Variants in MTX2 observed in about 807,000 individuals in gnomAD.
The protein encoded by MTX2 is metaxin-2.
Under a neutral mutation model 42.3 loss-of-function variants are expected in MTX2, and 35 were observed. The ratio of observed to expected loss-of-function variants is 0.83; its 90% confidence interval spans 0.63 to 1.10. The LOEUF (loss-of-function observed/expected upper bound fraction) is 1.10, where lower values mean the gene tolerates loss of function less well. Ranked by LOEUF, MTX2 falls within the 50% of genes least tolerant of loss-of-function variation. MTX2 has a pLI of 0.00. For missense variants in MTX2, 307 were observed against 304.1 expected, an observed-to-expected ratio of 1.01 and a Z score of -0.07; for synonymous variants, 119 against 100.9, an observed-to-expected ratio of 1.18 and a Z score of -1.08.
chr2:176,306,029 C>T (rs1276502690), intron 3 of MTX2, among the ~76,000 whole-genome samples: 2 of 152,118 alleles, frequency 1.3e-5, no homozygotes, highest in African/African-American at 4.8e-5. Flanking sequence ...TCATCATTTA[C>T]ATTAGGTATT....
chr2:176,304,107 G>C (rs935765458), intron 3 of MTX2: 1 of 154,280 alleles, frequency 6.5e-6, no homozygotes, highest in African/African-American at 2.4e-5. Context: ...TTATATTTGA[G>C]CTGAAAATAC....
At chr2:176,304,549 C>T (rs1018445963) in intron 3 of MTX2, among the ~76,000 whole-genome samples, 19 of 151,836 alleles carry the variant, frequency 1.3e-4, no homozygotes, top group African/African-American at 3.9e-4. Flanking sequence ...ACAGGGTCTG[C>T]AGCTGTTTGA....
intron 1 of MTX2, among the ~76,000 whole-genome samples, chr2:176,286,766 C>G (rs1172587418): frequency 6.6e-6 from 1 of 152,102 alleles, no homozygotes; most frequent in Non-Finnish European, 1.5e-5. Flanking sequence ...CCAGGCTGGT[C>G]TCGAACTCCT....
chr2:176,321,362 G>A (rs1684579576), intron 3 of MTX2, among the ~76,000 whole-genome samples: 1 of 152,110 alleles, frequency 6.6e-6, no homozygotes, highest in Non-Finnish European at 1.5e-5. Context: ...CACTTAAATA[G>A]ACACAGAAGA....
Position 176,297,912 on chromosome 2 carries a change from T to TG in MTX2, c.135+18dup. 1 of 1,532,250 alleles carries TG rather than the reference T, an allele frequency of 6.5e-7. No individual in the cohort carries two copies. Among genetic ancestry groups the TG allele is most frequent in the Non-Finnish European group, 8.8e-7 (1 of 1,134,274 alleles). The allele number at this position is 1,532,250 out of a possible 1,614,324, so 94.9% of individuals were successfully genotyped here. Reference sequence around the variant, plus strand: ...GCAGTGCAGGTAAATATGTAAATAATGTAATATCTTTTTCACCCCCTAGGT... The same window carrying TG: ...GCAGTGCAGGTAAATATGTAAATAATGGTAATATCTTTTTCACCCCCTAGGT... On this transcript the variant is annotated intron_variant, in intron 3 of 9. Coordinates refer to ENST00000249442, the MANE Select transcript of MTX2 (RefSeq NM_006554.5).
intron 3 of MTX2, among the ~76,000 whole-genome samples, chr2:176,315,530 C>T (rs1684414642): frequency 6.6e-6 from 1 of 152,156 alleles, no homozygotes; most frequent in Non-Finnish European, 1.5e-5. Flanking sequence ...TGGTTCTGCT[C>T]TCAACAGTCT....
intron 3 of MTX2, among the ~76,000 whole-genome samples, chr2:176,310,746 G>C (rs1025741567): frequency 5.9e-5 from 9 of 152,104 alleles, no homozygotes; most frequent in Non-Finnish European, 1.0e-4. Flanking sequence ...TTTCAGCTCT[G>C]TCAGGTCATT....
chr2:176,308,256 A>G (rs1243317573), intron 3 of MTX2, among the ~76,000 whole-genome samples: 1 of 152,140 alleles, frequency 6.6e-6, no homozygotes, highest in Non-Finnish European at 1.5e-5. Flanking sequence ...AGCCGACTTG[A>G]TCATGATGGA....
chr2:176,314,193 T>G (rs527594976), intron 3 of MTX2, among the ~76,000 whole-genome samples: 3 of 152,236 alleles, frequency 2.0e-5, no homozygotes, highest in African/African-American at 7.2e-5. Context: ...TCCCAGCACT[T>G]TGGAATGTAA....
rs1044489075 is a variant in MTX2 at position 176,329,177 on chromosome 2, T to C, written c.418-124T>C. On this transcript the variant is annotated intron_variant, in intron 7 of 9. Coordinates refer to ENST00000249442, the MANE Select transcript of MTX2 (RefSeq NM_006554.5). The stretch of plus-strand genomic sequence containing the variant: ...TTTTAATTTTTTAGATTGCAGGATG[T>C]GTATTTTTTTCAGATTGCTCTATTT... 2.7e-5 allele frequency: 31 copies of C among 1,150,516 alleles called. No individual in the cohort carries two copies. The African/African-American group carries it at 4.8e-4, about 18-fold the overall frequency. 71.3% of individuals were successfully genotyped at this position (1,150,516 alleles called of 1,614,324 possible). A position where few individuals can be genotyped will look rare whatever the true frequency, so the allele number is the denominator to read the frequency against.
chr2:176,295,081 CAATT>C (rs1683825648), intron 1 of MTX2, among the ~76,000 whole-genome samples: 1 of 152,110 alleles, frequency 6.6e-6, no homozygotes, highest in Admixed American at 6.6e-5. Flanking sequence ...TTTCTACAGA[CAATT>C]AACATCAACT....
At chr2:176,311,359 A>G (rs542788313) in intron 3 of MTX2, among the ~76,000 whole-genome samples, 1 of 152,328 alleles carries the variant, frequency 6.6e-6, no homozygotes, top group African/African-American at 2.4e-5. Flanking sequence ...CACGGGGGTC[A>G]GGGATCCACT....
intron 1 of MTX2, 100 bp downstream of exon 1, chr2:176,269,769 C>T (rs768631363): frequency 5.2e-5 from 71 of 1,368,460 alleles, no homozygotes; most frequent in Non-Finnish European, 6.8e-5. Context: ...CGGCATTATA[C>T]GCTGAACCCG....
chr2:176,276,459 T>C (rs1043148335), intron 1 of MTX2, among the ~76,000 whole-genome samples: 22 of 152,188 alleles, frequency 1.4e-4, no homozygotes. Context: ...ATAAGAATAC[T>C]GAAACTCAGT....
chr2:176,287,583 A>T (rs755730897), intron 1 of MTX2, among the ~76,000 whole-genome samples: 30 of 152,290 alleles, frequency 2.0e-4, no homozygotes, highest in Admixed American at 4.6e-4. Flanking sequence ...GGGATACTCA[A>T]CCTGTATGTA....
chr2:176,271,575 G>A (rs1441527547), intron 1 of MTX2, among the ~76,000 whole-genome samples: 2 of 152,072 alleles, frequency 1.3e-5, no homozygotes, highest in Non-Finnish European at 2.9e-5. Flanking sequence ...ATAATGTATA[G>A]CATCCTCCCA....
intron 9 of MTX2, among the ~76,000 whole-genome samples, chr2:176,331,585 T>C (rs1301128648): frequency 6.6e-6 from 1 of 151,186 alleles, no homozygotes; most frequent in Admixed American, 6.6e-5. Context: ...TATTAATCTA[T>C]AACACAAGTA....
chr2:176,287,635 A>G (rs187439280), intron 1 of MTX2, among the ~76,000 whole-genome samples: 1 of 152,328 alleles, frequency 6.6e-6, no homozygotes, highest in African/African-American at 2.4e-5. Flanking sequence ...ATGTCAGTCA[A>G]CAAGTTTCTT....
chr2:176,280,631 A>G (rs1468498973), intron 1 of MTX2, among the ~76,000 whole-genome samples: 1 of 152,200 alleles, frequency 6.6e-6, no homozygotes, highest in African/African-American at 2.4e-5. Context: ...TAAAAGCAAT[A>G]AGCAACATCG....
Sources: allele counts gnomAD v4.1 joint callset (sites outside exome capture counted in the v4.1 genomes callset), GRCh38; gene constraint gnomAD v4.1.1; transcripts MANE v1.5; gene names NCBI Gene and HGNC (gene_info 2026-07-23, HGNC 2026-07-21).